The following VPS39 variants were observed in gnomAD, a reference collection of about 807,000 sequenced individuals.
The protein encoded by VPS39 is vam6/Vps39-like protein.
A neutral mutation model predicts 121.0 loss-of-function variants in VPS39; 70 were observed. The ratio of observed to expected loss-of-function variants is 0.58; its 90% CI spans 0.48 to 0.71. The LOEUF (loss-of-function observed/expected upper bound fraction) is 0.71, where lower values mean the gene tolerates loss of function less well. Among genes scored for constraint, VPS39 ranks in the 30% least tolerant of loss-of-function variants. The pLI, the probability that VPS39 is intolerant of heterozygous loss-of-function variation, is 0.00. For missense variants in VPS39, 818 were observed against 1,051.5 expected (o/e 0.78, Z 3.07); for synonymous variants, 378 against 398.1 (o/e 0.95, Z 0.60).
In VPS39 at chr15:42,162,428, C is replaced by T. The variant is rs971809528; in HGVS notation, c.2229G>A (p.Leu743=). 1.2e-6 allele frequency: 2 copies of T among 1,613,304 alleles called. No individual in the cohort carries two copies. The highest frequency in any genetic ancestry group is 2.7e-5 in the African/African-American group (2 of 74,890). The part of the protein sequence containing the change: ...MYLSPPSIHC[L]GPIKLELLEP... Reference sequence around the variant, plus strand: ...CCAGTAGTTCCAGCTTGATTGGCCCCAGGCAGTGAATGCTGGGGGGCGACA... The same window carrying T: ...CCAGTAGTTCCAGCTTGATTGGCCCTAGGCAGTGAATGCTGGGGGGCGACA... Residue 743 remains leucine (L), a synonymous_variant, in exon 22 of 25, where the codon CTG becomes CTA. Coordinates refer to ENST00000318006, the MANE Select transcript of VPS39 (RefSeq NM_015289.5).
rs2049109693 is a variant in VPS39 at position 42,160,659 on chromosome 15, G to T, written c.*95C>A. 1 of 1,085,404 alleles carries T rather than the reference G, an allele frequency of 9.2e-7. No homozygotes were observed. Among genetic ancestry groups the T allele is most frequent in the Non-Finnish European group, 1.4e-6 (1 of 700,288 alleles). The allele number at this position is 1,085,404 out of a possible 1,614,324, so 67.2% of individuals were successfully genotyped here. A position where few individuals can be genotyped will look rare whatever the true frequency, so the allele number is the denominator to read the frequency against. ...CAGTAATGTCCAAATGGGGAGCCTTGTGGTGGTGGCAGCCAGGATTCCTAA... is the reference window on the plus strand; with the variant it reads ...CAGTAATGTCCAAATGGGGAGCCTTTTGGTGGTGGCAGCCAGGATTCCTAA... On this transcript the variant is annotated 3_prime_UTR_variant, in exon 25 of 25. Coordinates refer to ENST00000318006, the MANE Select transcript of VPS39 (RefSeq NM_015289.5).
chr15:42,199,807 C>T, intron 2 of VPS39, 89 bp downstream of exon 2: 1 of 1,408,218 alleles, frequency 7.1e-7, no homozygotes, highest in Non-Finnish European at 9.6e-7. Context: ...TTCAATCTCT[C>T]TTTTAATGGT....
rs1311687042 is a variant in VPS39 at position 42,208,234 on chromosome 15, A to C, written c.-81T>G. 2.0e-6 allele frequency: 3 copies of C among 1,519,202 alleles called. No homozygotes were observed. Among genetic ancestry groups the C allele is most frequent in the Non-Finnish European group, 2.7e-6 (3 of 1,124,112 alleles). 94.1% of individuals were successfully genotyped at this position (1,519,202 alleles called of 1,614,324 possible). On this transcript the variant is annotated 5_prime_UTR_variant, in exon 1 of 25. Transcript: ENST00000318006. ...TGGGGTCCGGAACGAGTCTGGGCTA[A>C]GGGTAGACCGGGATCCGGCCAGGAA...
chr15:42,186,818 T>C (rs1167500500), intron 7 of VPS39, among the ~76,000 whole-genome samples: 1 of 152,262 alleles, frequency 6.6e-6, no homozygotes, highest in Non-Finnish European at 1.5e-5. Flanking sequence ...TAAAAACACG[T>C]GGCTTTTGAA....
In VPS39 at chr15:42,185,174, A is replaced by G. The variant is rs112184532; in HGVS notation, c.535-474T>C. On this transcript the variant is annotated intron_variant, in intron 7 of 24. Coordinates refer to ENST00000318006, the MANE Select transcript of VPS39 (RefSeq NM_015289.5). ...TATTCAAAATTGCTAAAAATTGAAA[A>G]CAACTTTTTTTTTTTTTTTTTTTGG... Among the ~76,000 whole-genome samples the G allele has an allele frequency of 8.4e-4, 127 of 150,690 alleles. 1 individual carries two copies. The highest frequency in any genetic ancestry group is 3.4e-3 in the Middle Eastern group (1 of 294).
intron 8 of VPS39, among the ~76,000 whole-genome samples, chr15:42,181,159 C>T (rs527922685): frequency 6.6e-6 from 1 of 152,278 alleles, no homozygotes; most frequent in African/African-American, 2.4e-5. Context: ...GTGGTATATA[C>T]ACACAGTGGA....
intron 11 of VPS39, among the ~76,000 whole-genome samples, chr15:42,173,007 C>T (rs778325682): frequency 1.4e-4 from 22 of 152,230 alleles, no homozygotes; most frequent in Middle Eastern, 3.4e-3. Flanking sequence ...GATATAGAGT[C>T]AATCCAAGTA....
In VPS39 at chr15:42,159,322, G is replaced by C. The variant is rs904071351; in HGVS notation, c.*1432C>G. 5 of 152,318 alleles carry C rather than the reference G, an allele frequency of 3.3e-5. No individual in the cohort carries two copies. The highest frequency in any genetic ancestry group is 7.3e-5 in the Non-Finnish European group (5 of 68,130). 9.4% of individuals were successfully genotyped at this position (152,318 alleles called of 1,614,324 possible). On this transcript the variant is annotated 3_prime_UTR_variant, in exon 25 of 25. Transcript: ENST00000318006. ...TTTACAAAGGACCACGGCAGGTCAA[G>C]GACAGGCCACTAAAACTGTTGGTGC...
At chr15:42,177,056 A>G (rs752599092) in intron 10 of VPS39, among the ~76,000 whole-genome samples, 1 of 151,426 alleles carries the variant, frequency 6.6e-6, no homozygotes, top group African/African-American at 2.4e-5. Flanking sequence ...CCAGCAACAC[A>G]GGAGGCTGAG....
At chr15:42,205,579 T>C (rs635669) in intron 1 of VPS39, among the ~76,000 whole-genome samples, 10,022 of 152,104 alleles carry the variant, frequency 0.066, 863 homozygotes, top group African/African-American at 0.18. Context: ...AGGGAAGAAA[T>C]CAGGGCCTGA....
Position 42,163,374 on chromosome 15 carries a change from G to T in VPS39, c.2151C>A (p.Asp717Glu). The T allele has an allele frequency of 6.2e-7, 1 of 1,614,172 alleles. No homozygotes were observed. The highest frequency in any genetic ancestry group is 1.1e-5 in the South Asian group (1 of 91,086). Residue 717 changes from aspartate to glutamate, a missense_variant, in exon 21 of 25, where the codon GAC (aspartate) becomes GAA (glutamate). Asp to Glu is a conservative substitution (Grantham distance 45). Transcript: ENST00000318006. ...MAEEYCHKHY[D>E]RNKDGNKDVY... Reference sequence around the variant, plus strand: ...CATCTTTGTTGCCATCTTTGTTTCGGTCATAGTGTTTGTGGCAGTACCTGC... The same window carrying T: ...CATCTTTGTTGCCATCTTTGTTTCGTTCATAGTGTTTGTGGCAGTACCTGC...
chr15:42,207,497 C>G (rs532544315), intron 1 of VPS39, among the ~76,000 whole-genome samples: 2 of 152,148 alleles, frequency 1.3e-5, no homozygotes, highest in Admixed American at 6.5e-5. Flanking sequence ...GAAACTCTTC[C>G]GCCTACAGTT....
intron 8 of VPS39, among the ~76,000 whole-genome samples, chr15:42,180,824 C>T (rs1469980397): frequency 6.6e-6 from 1 of 152,104 alleles, no homozygotes; most frequent in Non-Finnish European, 1.5e-5. Context: ...GAGATATCAC[C>T]TCATACGCCT....
chr15:42,203,873 T>G (rs928205171), intron 1 of VPS39, among the ~76,000 whole-genome samples: 2 of 152,156 alleles, frequency 1.3e-5, no homozygotes, highest in African/African-American at 4.8e-5. Context: ...ACGCGCAGCA[T>G]GGGATGGACA....
chr15:42,194,951 C>A (rs1378774946), intron 2 of VPS39, among the ~76,000 whole-genome samples: 123 of 144,956 alleles, frequency 8.5e-4, no homozygotes, highest in East Asian at 3.1e-3. Context: ...AAAAAAAAAA[C>A]AAAAAACGAA....
chr15:42,173,187 G>C (rs1012234770), intron 11 of VPS39, among the ~76,000 whole-genome samples: 1 of 152,202 alleles, frequency 6.6e-6, no homozygotes. Flanking sequence ...AAAGCAAGCA[G>C]TAGTATGATC....
chr15:42,181,216 A>AAT (rs2049574482), intron 8 of VPS39, among the ~76,000 whole-genome samples: 1 of 152,140 alleles, frequency 6.6e-6, no homozygotes. Context: ...TTTTAAGTGG[A>AAT]ATATATATTA....
At chr15:42,193,598 T>C (rs2049874911) in intron 2 of VPS39, among the ~76,000 whole-genome samples, 1 of 152,170 alleles carries the variant, frequency 6.6e-6, no homozygotes, top group Non-Finnish European at 1.5e-5. Context: ...ATTTGGAAAA[T>C]ACTGGTTCAC....
intron 1 of VPS39, among the ~76,000 whole-genome samples, chr15:42,200,531 T>C (rs748643265): frequency 2.0e-5 from 3 of 152,182 alleles, no homozygotes; most frequent in Non-Finnish European, 4.4e-5. Flanking sequence ...TCTCAAAAGA[T>C]AGTCTAGTAG....
Sources: gnomAD v4.1 joint callset for allele counts (sites outside exome capture counted in the v4.1 genomes callset) on GRCh38, gnomAD v4.1.1 for gene constraint, MANE v1.5 for transcripts, NCBI Gene and HGNC (gene_info 2026-07-23, HGNC 2026-07-21) for gene names.